The following SNX4 variants were observed in gnomAD, a reference collection of about 807,000 sequenced individuals.
SNX4 encodes sorting nexin 4.
In SNX4, 49 loss-of-function variants were observed where a neutral mutation model predicts 70.8. That is an observed-to-expected ratio of 0.69 (90% CI 0.55 to 0.88). SNX4 has a LOEUF of 0.88. SNX4 is among the 40% of genes least tolerant of loss of function. The pLI is 0.00. For missense variants in SNX4, 528 were observed against 544.8 expected (o/e 0.97, Z 0.31); for synonymous variants, 206 against 183.8 (o/e 1.12, Z -0.98).
chr3:125,517,774 G>A (rs1935314166), intron 1 of SNX4, among the ~76,000 whole-genome samples: 1 of 151,816 alleles, frequency 6.6e-6, no homozygotes, highest in East Asian at 1.9e-4. Context: ...TCAGGAGTTC[G>A]AGACCAGCCT....
intron 5 of SNX4, among the ~76,000 whole-genome samples, chr3:125,491,834 C>T (rs1241336641): frequency 2.6e-5 from 4 of 152,140 alleles, no homozygotes; most frequent in Non-Finnish European, 4.4e-5. Context: ...ATAAGCCGGG[C>T]ACGGTGGCTT....
At chr3:125,508,723 C>T (rs73191135) in intron 1 of SNX4, among the ~76,000 whole-genome samples, 1 of 152,132 alleles carries the variant, frequency 6.6e-6, no homozygotes, top group Non-Finnish European at 1.5e-5. Flanking sequence ...AATAAACCCT[C>T]GAATATATGG....
chr3:125,485,684 T>C (rs1934508109), intron 6 of SNX4, among the ~76,000 whole-genome samples: 1 of 152,212 alleles, frequency 6.6e-6, no homozygotes, highest in African/African-American at 2.4e-5. Context: ...CAGATTGTCT[T>C]ATGCTTCTTT....
intron 8 of SNX4, among the ~76,000 whole-genome samples, chr3:125,476,402 T>C (rs574751534): frequency 2.7e-4 from 40 of 149,258 alleles, no homozygotes; most frequent in African/African-American, 8.6e-4. Flanking sequence ...TGAAACCCCA[T>C]CTCTACTAAA....
rs539898631 is a variant in SNX4, at chr3:125,467,600, A to G, written c.854+1854T>C. 2.0e-5 allele frequency among the ~76,000 whole-genome samples: 3 copies of G among 152,032 alleles called. No homozygotes were observed. In the South Asian group the frequency reaches 6.2e-4, roughly 32 times the overall value. On this transcript the variant is annotated intron_variant, in intron 9 of 13. Transcript: ENST00000251775. ...ATTTTTTTTAACTTAAATAACAGAG[A>G]CTTGTTCTTGCTATGTTTCCCAGGC...
At chr3:125,515,509 G>C (rs1229540361) in intron 1 of SNX4, among the ~76,000 whole-genome samples, 1 of 150,328 alleles carries the variant, frequency 6.7e-6, no homozygotes. Flanking sequence ...AAAAAAAATA[G>C]AAGAAATTAG....
intron 1 of SNX4, among the ~76,000 whole-genome samples, chr3:125,507,027 C>T (rs943572297): frequency 6.7e-6 from 1 of 150,196 alleles, no homozygotes; most frequent in African/African-American, 2.4e-5. Context: ...CATGTTGAAA[C>T]TCCATCTTTA....
chr3:125,451,218 G>A, intron 13 of SNX4, 87 bp downstream of exon 13: 1 of 653,828 alleles, frequency 1.5e-6, no homozygotes, highest in East Asian at 2.9e-5. Flanking sequence ...GAATAAAAAT[G>A]AAAAATTTTT....
chr3:125,472,783 C>A (rs927065528), intron 8 of SNX4, among the ~76,000 whole-genome samples: 2 of 152,074 alleles, frequency 1.3e-5, no homozygotes, highest in African/African-American at 4.8e-5. Context: ...TCAATCCCCA[C>A]AACCACACAA....
intron 1 of SNX4, among the ~76,000 whole-genome samples, chr3:125,505,051 C>G (rs1381361957): frequency 6.6e-6 from 1 of 152,170 alleles, no homozygotes; most frequent in Non-Finnish European, 1.5e-5. Context: ...CTCACTGCAA[C>G]CTTCACCTCC....
chr3:125,517,501 T>G (rs1249991881), intron 1 of SNX4, among the ~76,000 whole-genome samples: 2 of 152,150 alleles, frequency 1.3e-5, no homozygotes, highest in Admixed American at 6.5e-5. Flanking sequence ...TGGAGAGAAG[T>G]GAAGGGATGT....
chr3:125,465,024 C>A (rs958447772), intron 9 of SNX4, among the ~76,000 whole-genome samples: 3 of 151,956 alleles, frequency 2.0e-5, no homozygotes, highest in African/African-American at 4.8e-5. Flanking sequence ...GGATTACAGG[C>A]TTGAGCCACC....
intron 6 of SNX4, among the ~76,000 whole-genome samples, chr3:125,486,357 G>C (rs1401670718): frequency 6.6e-6 from 1 of 151,452 alleles, no homozygotes; most frequent in Non-Finnish European, 1.5e-5. Context: ...TATAAGTTAA[G>C]TTACATAGAT....
chr3:125,474,343 G>A (rs529834416), intron 8 of SNX4, among the ~76,000 whole-genome samples: 2 of 152,038 alleles, frequency 1.3e-5, no homozygotes, highest in South Asian at 4.2e-4. Context: ...TGAGAGACAG[G>A]GTGTTGCTCT....
At chr3:125,506,569 G>A (rs13075788) in intron 1 of SNX4, among the ~76,000 whole-genome samples, 4 of 145,628 alleles carry the variant, frequency 2.7e-5, no homozygotes, top group African/African-American at 1.0e-4. Flanking sequence ...GCAGTGGCAC[G>A]ATCTCAGCTC....
chr3:125,466,662 C>T (rs1038532524), intron 9 of SNX4, among the ~76,000 whole-genome samples: 6 of 152,144 alleles, frequency 3.9e-5, no homozygotes, highest in Non-Finnish European at 8.8e-5. Flanking sequence ...CGTGGTGGCT[C>T]ACACCTGTAA....
intron 6 of SNX4, among the ~76,000 whole-genome samples, chr3:125,483,029 G>A (rs965660515): frequency 1.3e-5 from 2 of 152,002 alleles, no homozygotes; most frequent in African/African-American, 4.8e-5. Context: ...AGAGGAACAG[G>A]AATGAGACTT....
intron 5 of SNX4, among the ~76,000 whole-genome samples, chr3:125,494,185 T>A (rs1367312837): frequency 6.6e-6 from 1 of 152,274 alleles, no homozygotes. Flanking sequence ...GATATGACTA[T>A]TTGGTCTCAT....
At chr3:125,514,213 T>C (rs1935225959) in intron 1 of SNX4, among the ~76,000 whole-genome samples, 1 of 152,132 alleles carries the variant, frequency 6.6e-6, no homozygotes, top group Non-Finnish European at 1.5e-5. Context: ...AATAGGGTTA[T>C]AACATATGAC....
Sources: gnomAD v4.1 joint callset for allele counts (sites outside exome capture counted in the v4.1 genomes callset) on GRCh38, gnomAD v4.1.1 for gene constraint, MANE v1.5 for transcripts, NCBI Gene and HGNC (gene_info 2026-07-23, HGNC 2026-07-21) for gene names.